The following C9orf85 variants were observed in gnomAD, a reference collection of about 807,000 sequenced individuals.
C9orf85 encodes the protein chromosome 9 open reading frame 85.
In C9orf85, 16 loss-of-function variants were observed where a neutral mutation model predicts 14.9. That is an observed-to-expected ratio of 1.08 (90% CI 0.73 to 1.63). The LOEUF (loss-of-function observed/expected upper bound fraction) is 1.63, where lower values mean the gene tolerates loss of function less well. Among genes scored for constraint, C9orf85 ranks in the 40% most tolerant of loss-of-function variants. C9orf85 has a pLI of 0.00. For missense variants in C9orf85, 172 were observed against 186.1 expected (o/e 0.92, Z 0.44); for synonymous variants, 45 against 56.8 (o/e 0.79, Z 0.93).
chr9:71,956,974 C>T (rs1822396609), intron 2 of C9orf85, among the ~76,000 whole-genome samples: 1 of 151,722 alleles, frequency 6.6e-6, no homozygotes, highest in Admixed American at 6.6e-5. Flanking sequence ...TGTGTTTATT[C>T]CCTGAAGACT....
chr9:71,974,934 A>G (rs1822973850), downstream of C9orf85, among the ~76,000 whole-genome samples: 1 of 152,152 alleles, frequency 6.6e-6, no homozygotes, highest in Admixed American at 6.5e-5. Flanking sequence ...TTCACTTTTG[A>G]TAATAGGTGA....
rs376187904 is a variant in C9orf85, at chr9:71,922,708, T to G, written c.102+10872T>G. Among the ~76,000 whole-genome samples, 15 of 152,342 alleles carry G rather than the reference T, an allele frequency of 9.8e-5. 1 individual carries two copies. The highest frequency in any genetic ancestry group is 5.2e-4 in the Admixed American group (8 of 15,302). ...CTTTCCACAGTTCCTGTCATCATAC[T>G]TAGTAATTGCTACATACACATGGAT... On this transcript the variant is annotated intron_variant, in intron 1 of 3. Coordinates refer to ENST00000334731, the MANE Select transcript of C9orf85 (RefSeq NM_182505.5).
At chr9:71,944,010 T>C (rs564014658) in intron 1 of C9orf85, among the ~76,000 whole-genome samples, 4 of 151,860 alleles carry the variant, frequency 2.6e-5, no homozygotes, top group African/African-American at 9.6e-5. Context: ...CCAAGGCAAG[T>C]GGATCACTTG....
intron 1 of C9orf85, among the ~76,000 whole-genome samples, chr9:71,915,658 C>T (rs1029321012): frequency 6.6e-6 from 1 of 152,182 alleles, no homozygotes; most frequent in Admixed American, 6.5e-5. Context: ...GTGAAAGTCT[C>T]TGTTCCCAGT....
intron 1 of C9orf85, among the ~76,000 whole-genome samples, chr9:71,919,229 T>C (rs1236323705): frequency 1.3e-5 from 2 of 152,212 alleles, no homozygotes; most frequent in African/African-American, 4.8e-5. Context: ...TGTCTCCCCA[T>C]GCCCAGAGAT....
intron 2 of C9orf85, among the ~76,000 whole-genome samples, chr9:71,955,841 T>A (rs544696645): frequency 1.3e-5 from 2 of 152,328 alleles, no homozygotes; most frequent in South Asian, 4.1e-4. Context: ...CTATATGCAG[T>A]GATCAGTACA....
intron 2 of C9orf85, among the ~76,000 whole-genome samples, chr9:71,970,260 T>C (rs1019294496): frequency 6.6e-6 from 1 of 152,180 alleles, no homozygotes; most frequent in Non-Finnish European, 1.5e-5. Flanking sequence ...TTTTTTCTTT[T>C]TTAAAATATG....
Position 71,971,562 on chromosome 9 carries a change from T to C in C9orf85, c.267T>C (p.Cys89=), listed in dbSNP as rs1381195184. The C allele has an allele frequency of 7.4e-6, 12 of 1,613,420 alleles. No individual in the cohort carries two copies. The highest frequency in any genetic ancestry group is 9.3e-6 in the Non-Finnish European group (11 of 1,179,616). The change falls in exon 3 of 4, where the codon TGT becomes TGC. Residue 89 remains cysteine (C), a synonymous_variant. Transcript: ENST00000334731. ...KDSYHIMCRP[C]ACELEVCAKC... ...CTTATCACATAATGTGCAGGCCATGTGCCTGTGAACTTGAAGTTTGCGCAA... is the reference window on the plus strand; with the variant it reads ...CTTATCACATAATGTGCAGGCCATGCGCCTGTGAACTTGAAGTTTGCGCAA...
intron 1 of C9orf85, among the ~76,000 whole-genome samples, chr9:71,940,206 A>T (rs1232923835): frequency 6.6e-6 from 1 of 152,136 alleles, no homozygotes; most frequent in African/African-American, 2.4e-5. Flanking sequence ...CTCACATCTC[A>T]ATAATAAGAA....
intron 1 of C9orf85, among the ~76,000 whole-genome samples, chr9:71,915,476 T>C (rs1319148682): frequency 1.3e-5 from 2 of 152,016 alleles, no homozygotes; most frequent in African/African-American, 4.8e-5. Context: ...CGTACCCAGC[T>C]ACAAAAATAT....
intron 1 of C9orf85, among the ~76,000 whole-genome samples, chr9:71,919,732 C>A (rs1827745318): frequency 6.6e-6 from 1 of 152,122 alleles, no homozygotes; most frequent in South Asian, 2.1e-4. Flanking sequence ...CTATTGTTTA[C>A]CTTTTATTTT....
intron 1 of C9orf85, among the ~76,000 whole-genome samples, chr9:71,931,792 C>G (rs1319248700): frequency 2.0e-5 from 3 of 152,184 alleles, no homozygotes; most frequent in Non-Finnish European, 4.4e-5. Flanking sequence ...CCTACACTAA[C>G]CAGTGTTGTT....
intron 2 of C9orf85, among the ~76,000 whole-genome samples, chr9:71,970,894 C>T (rs745984235): frequency 6.7e-6 from 1 of 149,106 alleles, no homozygotes; most frequent in Non-Finnish European, 1.5e-5. Flanking sequence ...TGGCACATCT[C>T]CCAGGCATGC....
chr9:71,968,747 A>C (rs1822771709), intron 2 of C9orf85, among the ~76,000 whole-genome samples: 1 of 152,202 alleles, frequency 6.6e-6, no homozygotes, highest in Non-Finnish European at 1.5e-5. Context: ...CGGATGGAGC[A>C]ATGGCAAGAG....
intron 2 of C9orf85, among the ~76,000 whole-genome samples, chr9:71,949,969 G>C (rs1007461207): frequency 6.6e-6 from 1 of 152,118 alleles, no homozygotes; most frequent in Non-Finnish European, 1.5e-5. Context: ...CATTTCTTCA[G>C]CTCAAAATAC....
At chr9:71,982,921 A>ACTGCACCCAGCCGAC (rs1564105476) in exon 4 of C9orf85, 4 of 228,682 alleles carry the variant, frequency 1.7e-5, no homozygotes, top group African/African-American at 9.6e-5. Context: ...GGTGTGAGCC[A>ACTGCACCCAGCCGAC]TCATGCCTGG....
intron 1 of C9orf85, among the ~76,000 whole-genome samples, chr9:71,936,770 CTTTTT>C (rs71353543): frequency 9.0e-5 from 8 of 89,170 alleles, no homozygotes; most frequent in Middle Eastern, 4.4e-3. Flanking sequence ...TTTGTTCAAG[CTTTTT>C]TTTTTTTTTT....
chr9:71,918,623 G>A, intron 1 of C9orf85: 1 of 348,288 alleles, frequency 2.9e-6, no homozygotes, highest in South Asian at 2.3e-5. Flanking sequence ...CCTGAGTTCT[G>A]CCTCCTGTCA....
intron 1 of C9orf85, among the ~76,000 whole-genome samples, chr9:71,943,307 C>A (rs1378162540): frequency 6.6e-6 from 1 of 151,364 alleles, no homozygotes; most frequent in Non-Finnish European, 1.5e-5. Context: ...CTTTGTTTTA[C>A]CTTTGGCAAT....
Sources: allele counts gnomAD v4.1 joint callset (sites outside exome capture counted in the v4.1 genomes callset), GRCh38; gene constraint gnomAD v4.1.1; transcripts MANE v1.5; gene names NCBI Gene and HGNC (gene_info 2026-07-23, HGNC 2026-07-21).